GPAT4: variants seen among roughly 807,000 people sequenced by gnomAD.
GPAT4 encodes glycerol-3-phosphate acyltransferase 4.
A neutral mutation model predicts 58.0 loss-of-function variants in GPAT4; 17 were observed. The observed-to-expected ratio is 0.29, with a 90% confidence interval of 0.20 to 0.44. The LOEUF (loss-of-function observed/expected upper bound fraction) is 0.44, where lower values mean the gene tolerates loss of function less well. Ranked by LOEUF, GPAT4 falls within the 20% of genes least tolerant of loss-of-function variation. The pLI, the probability that GPAT4 is intolerant of heterozygous loss-of-function variation, is 1.00. For synonymous variants in GPAT4, 204 were observed against 210.1 expected (o/e 0.97, Z 0.25); for missense variants, 377 against 574.5 (o/e 0.66, Z 3.51).
chr8:41,610,904 C>G, intron 5 of GPAT4, 94 bp downstream of exon 5: 1 of 1,308,530 alleles, frequency 7.6e-7, no homozygotes, highest in Non-Finnish European at 1.0e-6. Context: ...TGGACACAAC[C>G]AAAGCCATGG....
intron 9 of GPAT4, 41 bp from the exon 10 acceptor site, chr8:41,614,922 G>A: frequency 6.5e-7 from 1 of 1,546,654 alleles, no homozygotes; most frequent in South Asian, 1.1e-5. Context: ...CTGGGGTAAA[G>A]GGCCAACAGA....
chr8:41,613,709 G>C (rs1170257587), intron 8 of GPAT4, among the ~76,000 whole-genome samples: 3 of 152,034 alleles, frequency 2.0e-5, no homozygotes, highest in Non-Finnish European at 4.4e-5. Context: ...GAGCCCGGGA[G>C]TTCGAGACCA....
chr8:41,610,594 T>C, intron 4 of GPAT4, 142 bp from the exon 5 acceptor site: 1 of 1,532,652 alleles, frequency 6.5e-7, no homozygotes, highest in Non-Finnish European at 8.8e-7. Flanking sequence ...TGCTTACATT[T>C]CTAGGTGAAC....
At chr8:41,594,747 G>T (rs55710648) in intron 1 of GPAT4, among the ~76,000 whole-genome samples, 22,796 of 151,792 alleles carry the variant, frequency 0.15, 1,820 homozygotes, top group East Asian at 0.29. Flanking sequence ...GGGTTTCACC[G>T]TGTTAGCCAG....
rs1278390402 is a variant in GPAT4, at chr8:41,610,636, G to A, written c.537-100G>A. The A allele has an allele frequency of 6.4e-6, 10 of 1,567,492 alleles. No individual in the cohort carries two copies. In the Admixed American group the frequency reaches 1.5e-4, roughly 24 times the overall value. On this transcript the variant is annotated intron_variant, in intron 4 of 12. Transcript: ENST00000396987. ...CCAGGTCCCAGGTGAGCAGGTCTTG[G>A]GGGTGGTTTTTGTGATGCCCCCTTT...
chr8:41,587,721 G>A (rs973533999), intron 1 of GPAT4, among the ~76,000 whole-genome samples: 1 of 152,108 alleles, frequency 6.6e-6, no homozygotes, highest in African/African-American at 2.4e-5. Flanking sequence ...CTCCCCAAGG[G>A]GGTAAAAAAA....
intron 4 of GPAT4, 154 bp from the exon 5 acceptor site, chr8:41,610,582 C>T (rs1803412095): frequency 6.6e-7 from 1 of 1,526,036 alleles, no homozygotes; most frequent in East Asian, 2.5e-5. Flanking sequence ...TTCTGATAGG[C>T]CTGCTTACAT....
At chr8:41,611,345 G>A (rs1803438526) in intron 5 of GPAT4, among the ~76,000 whole-genome samples, 1 of 152,158 alleles carries the variant, frequency 6.6e-6, no homozygotes, top group Non-Finnish European at 1.5e-5. Context: ...CCATTTTGAA[G>A]ACAAAAGGGA....
chr8:41,606,275 C>G (rs951781360), intron 2 of GPAT4, among the ~76,000 whole-genome samples: 2 of 152,114 alleles, frequency 1.3e-5, no homozygotes, highest in Non-Finnish European at 2.9e-5. Context: ...GTGGGACTGA[C>G]TCTTAACTTG....
chr8:41,590,236 G>A (rs1186306465), intron 1 of GPAT4, among the ~76,000 whole-genome samples: 1 of 151,962 alleles, frequency 6.6e-6, no homozygotes, highest in Non-Finnish European at 1.5e-5. Flanking sequence ...ACAGGCATGC[G>A]CCATGATGCT....
chr8:41,619,551 A>G (rs1364051137), intron 12 of GPAT4, among the ~76,000 whole-genome samples: 2 of 152,252 alleles, frequency 1.3e-5, no homozygotes, highest in Non-Finnish European at 2.9e-5. Flanking sequence ...AACTTTATTT[A>G]CAAAAACAGG....
chr8:41,613,766 A>C (rs1803514055), intron 8 of GPAT4, among the ~76,000 whole-genome samples: 2 of 152,128 alleles, frequency 1.3e-5, no homozygotes, highest in Admixed American at 1.3e-4. Context: ...AAATTTAAAA[A>C]TTAGCTGAGC....
At chr8:41,590,328 C>T (rs1802757818) in intron 1 of GPAT4, among the ~76,000 whole-genome samples, 1 of 152,212 alleles carries the variant, frequency 6.6e-6, no homozygotes, top group Non-Finnish European at 1.5e-5. Flanking sequence ...CTCAGGTGAT[C>T]CACCTGCCTC....
Position 41,611,898 on chromosome 8 carries a change from T to C in GPAT4, c.612-5T>C. The C allele has an allele frequency of 6.2e-7, 1 of 1,614,010 alleles. No individual in the cohort carries two copies. Among genetic ancestry groups the C allele is most frequent in the Non-Finnish European group, 8.5e-7 (1 of 1,179,880 alleles). ...AAACCCAGAATCCTTGTCCTGTTATTGCAGGTTTAAGGAGTTCATGAGTAA... is the reference window on the plus strand; with the variant it reads ...AAACCCAGAATCCTTGTCCTGTTATCGCAGGTTTAAGGAGTTCATGAGTAA... On this transcript the variant is annotated splice_polypyrimidine_tract_variant and splice_region_variant and intron_variant, in intron 5 of 12. Coordinates refer to ENST00000396987, the MANE Select transcript of GPAT4 (RefSeq NM_178819.4).
intron 1 of GPAT4, among the ~76,000 whole-genome samples, chr8:41,583,823 A>G (rs1267764140): frequency 6.6e-6 from 1 of 152,202 alleles, no homozygotes; most frequent in East Asian, 1.9e-4. Flanking sequence ...TTTTCTTTGC[A>G]CAATTAGAAG....
intron 2 of GPAT4, among the ~76,000 whole-genome samples, chr8:41,608,220 C>T (rs1195865842): frequency 1.3e-5 from 2 of 152,214 alleles, no homozygotes; most frequent in African/African-American, 4.8e-5. Flanking sequence ...TGATTAAACT[C>T]GCGTGCAGCA....
rs1168448548 is a variant in GPAT4, at chr8:41,609,629, C to T, written c.236-26C>T. On this transcript the variant is annotated intron_variant, in intron 3 of 12. Coordinates refer to ENST00000396987, the MANE Select transcript of GPAT4 (RefSeq NM_178819.4). ...TCACGTGCTCTCCCCCAGCGTGCTG[C>T]TTGACAGGGACACATTCTTTTGCAG... The T allele has an allele frequency of 1.9e-6, 3 of 1,607,422 alleles. No individual in the cohort carries two copies. The South Asian group carries it at 3.3e-5, about 18-fold the overall frequency.
chr8:41,623,030 A>G lies in GPAT4; in HGVS notation c.*2029A>G, dbSNP rs1803799901. ...GATTTGCATAGGTATTTATATATAC[A>G]CACACACACAGGTTTTGCTTTTGTC... On this transcript the variant is annotated 3_prime_UTR_variant, in exon 13 of 13. Coordinates refer to ENST00000396987, the MANE Select transcript of GPAT4 (RefSeq NM_178819.4). 1 of 43,988 alleles carries G rather than the reference A, an allele frequency of 2.3e-5. No individual in the cohort carries two copies. Among genetic ancestry groups the G allele is most frequent in the South Asian group, 5.4e-4 (1 of 1,844 alleles). 2.7% of individuals were successfully genotyped at this position (43,988 alleles called of 1,614,324 possible).
intron 10 of GPAT4, 139 bp from the exon 11 acceptor site, chr8:41,618,545 C>T (rs1184621563): frequency 9.2e-7 from 1 of 1,089,840 alleles, no homozygotes; most frequent in Non-Finnish European, 1.4e-6. Flanking sequence ...AGAGGGGCTT[C>T]CACAGTACTC....
Sources: allele counts gnomAD v4.1 joint callset (sites outside exome capture counted in the v4.1 genomes callset), GRCh38; gene constraint gnomAD v4.1.1; transcripts MANE v1.5; gene names NCBI Gene and HGNC (gene_info 2026-07-23, HGNC 2026-07-21).